TRHDE: variants seen among roughly 807,000 people sequenced by gnomAD.
The protein encoded by TRHDE is thyrotropin releasing hormone degrading enzyme.
In TRHDE, 72 loss-of-function variants were observed where a neutral mutation model predicts 125.7. The ratio of observed to expected loss-of-function variants is 0.57; its 90% CI spans 0.47 to 0.70. TRHDE has a LOEUF of 0.70. TRHDE is among the 30% of genes least tolerant of loss of function. TRHDE has a pLI of 0.00. For missense variants in TRHDE, 1,110 were observed against 1,327.1 expected (o/e 0.84, Z 2.54); for synonymous variants, 509 against 509.1 (o/e 1.00, Z 0.00).
intron 15 of TRHDE, among the ~76,000 whole-genome samples, chr12:72,638,672 C>T (rs1263576677): frequency 1.3e-5 from 2 of 151,940 alleles, no homozygotes; most frequent in South Asian, 2.1e-4. Flanking sequence ...TTAGTGCTTC[C>T]TTCAGGAGCT....
At chr12:72,352,671 G>T (rs1467189867) in intron 2 of TRHDE, among the ~76,000 whole-genome samples, 2 of 151,582 alleles carry the variant, frequency 1.3e-5, no homozygotes, top group South Asian at 2.1e-4. Flanking sequence ...TAAAGTTTAG[G>T]GTTCATTGCA....
chr12:72,657,123 G>A lies in TRHDE; in HGVS notation c.3066+115G>A, dbSNP rs143070213. 266 of 668,692 alleles carry A rather than the reference G, an allele frequency of 4.0e-4. 1 individual carries two copies. Among genetic ancestry groups the A allele is most frequent in the African/African-American group, 3.8e-3 (200 of 52,944 alleles). 41.4% of individuals were successfully genotyped at this position (668,692 alleles called of 1,614,324 possible). Reference sequence around the variant, plus strand: ...ACATCCATTCCTTTTACTTACACACGCACACCACACACACACACACACGTT... The same window carrying A: ...ACATCCATTCCTTTTACTTACACACACACACCACACACACACACACACGTT... On this transcript the variant is annotated intron_variant, in intron 18 of 18. Coordinates refer to ENST00000261180, the MANE Select transcript of TRHDE (RefSeq NM_013381.3).
At chr12:72,350,533 G>T (rs911015996) in intron 2 of TRHDE, among the ~76,000 whole-genome samples, 5 of 152,016 alleles carry the variant, frequency 3.3e-5, no homozygotes, top group African/African-American at 1.2e-4. Flanking sequence ...GTAACAGATT[G>T]ATACCAAAGT....
chr12:72,373,623 A>T (rs11836485), intron 2 of TRHDE, among the ~76,000 whole-genome samples: 5,811 of 152,272 alleles, frequency 0.038, 408 homozygotes, highest in African/African-American at 0.13. Context: ...TAAAGCAAGA[A>T]AAGGAGATAG....
At chr12:72,256,095 C>T (rs1245907218) in intron 2 of TRHDE, 1 of 152,128 alleles carries the variant, frequency 6.6e-6, no homozygotes, top group Non-Finnish European at 1.5e-5. Flanking sequence ...CATGTCATTC[C>T]TCAGGTCAAA....
In TRHDE at chr12:72,621,651, C is replaced by T. The variant is rs1565813268; in HGVS notation, c.2575C>T (p.Arg859Cys). The part of the protein sequence containing the change: ...VQASYQHEEL[R>C]REVIMLACSF... ...CCTTTTGATGATATCTAGAGAACTA[C>T]GTAGAGAAGTTATAATGCTGGCCTG... is the stretch of plus-strand genomic sequence containing the variant. Residue 859 changes from arginine to cysteine, a missense_variant, in exon 15 of 19, where the codon CGT (arginine) becomes TGT (cysteine). This residue lies in a region of TRHDE where 527 missense variants were observed against 651.8 expected (regional missense o/e 0.81). Transcript: ENST00000261180. 3.7e-6 allele frequency: 6 copies of T among 1,604,840 alleles called. No individual in the cohort carries two copies. The highest frequency in any genetic ancestry group is 2.3e-5 in the East Asian group (1 of 44,336).
intron 2 of TRHDE, among the ~76,000 whole-genome samples, chr12:72,370,067 T>C (rs1194030126): frequency 6.6e-6 from 1 of 152,156 alleles, no homozygotes; most frequent in Admixed American, 6.5e-5. Context: ...ATTACTCGGT[T>C]TGCAAAATAT....
intron 1 of TRHDE, among the ~76,000 whole-genome samples, chr12:72,275,070 T>A (rs766347660): frequency 2.6e-5 from 4 of 152,236 alleles, no homozygotes; most frequent in Middle Eastern, 3.2e-3. Flanking sequence ...GCAGAGCCTC[T>A]CCTTTTCTCA....
At chr12:72,398,762 G>A (rs1013207132) in intron 3 of TRHDE, among the ~76,000 whole-genome samples, 8 of 152,196 alleles carry the variant, frequency 5.3e-5, no homozygotes, top group Non-Finnish European at 1.2e-4. Context: ...AGCTTCTCTG[G>A]TTAATGGGAG....
chr12:72,193,127 A>C (rs1272415382), intron 2 of TRHDE, among the ~76,000 whole-genome samples: 3 of 152,118 alleles, frequency 2.0e-5, no homozygotes, highest in African/African-American at 7.2e-5. Context: ...TCAGTATACA[A>C]AATTTTGCCA....
intron 5 of TRHDE, among the ~76,000 whole-genome samples, chr12:72,484,679 T>A (rs141996370): frequency 6.6e-6 from 1 of 152,154 alleles, no homozygotes; most frequent in Admixed American, 6.6e-5. Flanking sequence ...AATGCATTCA[T>A]TGAACAAAAG....
intron 6 of TRHDE, among the ~76,000 whole-genome samples, chr12:72,539,875 C>A (rs182401125): frequency 5.3e-5 from 8 of 151,736 alleles, no homozygotes; most frequent in African/African-American, 1.9e-4. Context: ...TAAAGCTACT[C>A]GGGCTTCCTA....
intron 3 of TRHDE, among the ~76,000 whole-genome samples, chr12:72,462,364 G>A (rs757924724): frequency 6.6e-6 from 1 of 152,166 alleles, no homozygotes; most frequent in Non-Finnish European, 1.5e-5. Flanking sequence ...CATAGGAGTA[G>A]AGAGGTGATT....
intron 17 of TRHDE, among the ~76,000 whole-genome samples, chr12:72,655,067 T>C (rs1353141951): frequency 6.6e-6 from 1 of 152,136 alleles, no homozygotes; most frequent in Non-Finnish European, 1.5e-5. Flanking sequence ...TAATTTTTGT[T>C]GTTGTTGTTG....
At chr12:72,430,457 G>GTATATATATACACACATA (rs1555185590) in intron 3 of TRHDE, among the ~76,000 whole-genome samples, 1 of 146,660 alleles carries the variant, frequency 6.8e-6, no homozygotes, top group African/African-American at 2.5e-5. Context: ...ATATATATGT[G>GTATATATATACACACATA]TATATATATA....
At chr12:72,295,292 C>T (rs1167621075) in intron 2 of TRHDE, among the ~76,000 whole-genome samples, 1 of 152,066 alleles carries the variant, frequency 6.6e-6, no homozygotes, top group African/African-American at 2.4e-5. Flanking sequence ...CCTGCTTGTC[C>T]CTGGCTCTCG....
rs1360601132 is a variant in TRHDE at position 72,212,391 on chromosome 12, C to G, written n.279+106639C>G. ...AAATTGAACTTCATTCAAAGTGAAA[C>G]ATTGTGGTATGAATAATAACATCAG... On this transcript the variant is annotated intron_variant and non_coding_transcript_variant, in intron 2 of 4. Transcript: ENST00000548156. Among the ~76,000 whole-genome samples, 8 of 151,754 alleles carry G rather than the reference C, an allele frequency of 5.3e-5. No individual in the cohort carries two copies. The East Asian group carries it at 1.5e-3, about 29-fold the overall frequency.
chr12:72,112,742 C>G (rs1305997383), intron 2 of TRHDE, among the ~76,000 whole-genome samples: 1 of 152,188 alleles, frequency 6.6e-6, no homozygotes, highest in African/African-American at 2.4e-5. Flanking sequence ...ATTAATCACA[C>G]TCCTAGATGG....
At chr12:72,608,708 A>G (rs552730339) in intron 12 of TRHDE, among the ~76,000 whole-genome samples, 32 of 152,264 alleles carry the variant, frequency 2.1e-4, no homozygotes, top group African/African-American at 7.0e-4. Flanking sequence ...CTCCATCCCC[A>G]TTTATTGTTA....
Sources: allele counts gnomAD v4.1 joint callset (sites outside exome capture counted in the v4.1 genomes callset), GRCh38; gene constraint gnomAD v4.1.1; regional missense constraint gnomAD v4.1.1; transcripts MANE v1.5; gene names NCBI Gene and HGNC (gene_info 2026-07-23, HGNC 2026-07-21).